Variants in VEGFD observed in about 807,000 individuals in gnomAD.
The protein encoded by VEGFD is c-fos induced growth factor (vascular endothelial growth factor D).
A neutral mutation model predicts 28.0 loss-of-function variants in VEGFD; 26 were observed. That is an observed-to-expected ratio of 0.93 (90% CI 0.68 to 1.29). VEGFD has a LOEUF of 1.29. Ranked by LOEUF, VEGFD falls within the 50% of genes most tolerant of loss-of-function variation. The probability of loss-of-function intolerance (pLI) is 0.00; values close to 1 mark genes in which losing one functional copy is unlikely to be tolerated. For missense variants in VEGFD, 294 were observed against 273.4 expected, an observed-to-expected ratio of 1.08 and a Z score of -0.53; for synonymous variants, 93 against 95.5, an observed-to-expected ratio of 0.97 and a Z score of 0.15.
At chrX:15,347,091 G>C in intron 6 of VEGFD, 73 bp downstream of exon 6, 1 of 1,006,241 alleles carries the variant, frequency 9.9e-7, no homozygotes, top group South Asian at 2.3e-5. Flanking sequence ...AGCTTACTAA[G>C]GAATCCCACC....
chrX:15,345,852 C>G lies in VEGFD; in HGVS notation c.*281G>C, dbSNP rs1454715578. The stretch of plus-strand genomic sequence containing the variant: ...CACCTGCCATTCCATGACCAGCACA[C>G]CTTTCTCATTCACCAAAAAACAAAA... On this transcript the variant is annotated 3_prime_UTR_variant, in exon 7 of 7. Coordinates refer to ENST00000297904, the MANE Select transcript of VEGFD (RefSeq NM_004469.5). 2.5e-5 allele frequency: 7 copies of G among 283,405 alleles called. No homozygotes were observed. The highest frequency in any genetic ancestry group is 4.3e-5 in the Non-Finnish European group (7 of 162,194). The allele number at this position is 283,405 out of a possible 1,213,427, so 23.4% of individuals were successfully genotyped here. A position where few individuals can be genotyped will look rare whatever the true frequency, so the allele number is the denominator to read the frequency against.
intron 1 of VEGFD, among the ~76,000 whole-genome samples, chrX:15,365,704 T>G (rs1348828493): frequency 1.8e-5 from 2 of 112,069 alleles, no homozygotes; most frequent in Admixed American, 9.5e-5. Context: ...TTATTCCACC[T>G]ATAATATTGC....
At chrX:15,357,899 C>T (rs1372015659) in intron 3 of VEGFD, 104 bp downstream of exon 3, 7 of 674,813 alleles carry the variant, frequency 1.0e-5, no homozygotes, top group Non-Finnish European at 2.2e-6. Flanking sequence ...TGCGATTATG[C>T]ACATAAAGCA....
chrX:15,349,347 GT>G (rs1922630573), intron 5 of VEGFD, among the ~76,000 whole-genome samples: 1 of 112,396 alleles, frequency 8.9e-6, no homozygotes, highest in Non-Finnish European at 1.9e-5. Context: ...GGCAGAGTCT[GT>G]GCTCACATCC....
Position 15,357,996 on chromosome X carries a change from C to T in VEGFD, c.492+7G>A. On this transcript the variant is annotated splice_region_variant and intron_variant, in intron 3 of 6. Coordinates refer to ENST00000297904, the MANE Select transcript of VEGFD (RefSeq NM_004469.5). ...TAGAGACGGCAGGCTTGCCGATGTC[C>T]TTATACCTGTTTGGAAATGTACGAG... is the stretch of plus-strand genomic sequence containing the variant. 5.0e-6 allele frequency: 6 copies of T among 1,207,865 alleles called. No individual in the cohort carries two copies. Among genetic ancestry groups the T allele is most frequent in the Non-Finnish European group, 5.6e-6 (5 of 893,084 alleles).
chrX:15,376,922 C>G (rs1263549742), intron 1 of VEGFD, among the ~76,000 whole-genome samples: 2 of 112,029 alleles, frequency 1.8e-5, no homozygotes, highest in African/African-American at 6.5e-5. Flanking sequence ...GCCATAGGGA[C>G]ATTCAACACA....
chrX:15,383,649 C>A (rs1923642549), intron 1 of VEGFD, among the ~76,000 whole-genome samples: 1 of 111,873 alleles, frequency 8.9e-6, no homozygotes, highest in African/African-American at 3.2e-5. Context: ...CCAACCCCCA[C>A]CCCAGCATTT....
At chrX:15,378,132 A>T (rs1178575422) in intron 1 of VEGFD, among the ~76,000 whole-genome samples, 1 of 111,934 alleles carries the variant, frequency 8.9e-6, no homozygotes. Context: ...GCCAAATGCT[A>T]CTTTGCTCAT....
At chrX:15,353,010 G>T in intron 5 of VEGFD, 58 bp downstream of exon 5, 1 of 629,889 alleles carries the variant, frequency 1.6e-6, no homozygotes, top group African/African-American at 2.2e-5. Context: ...AATAACGGTT[G>T]CTGCTATTGT....
At chrX:15,360,445 T>C (rs753527636) in intron 2 of VEGFD, among the ~76,000 whole-genome samples, 33 of 108,978 alleles carry the variant, frequency 3.0e-4, no homozygotes, top group African/African-American at 1.0e-3. Context: ...TTCAAGCGAT[T>C]CTCCTGCCTC....
At chrX:15,381,837 T>A (rs895095209) in intron 1 of VEGFD, among the ~76,000 whole-genome samples, 2 of 28,774 alleles carry the variant, frequency 7.0e-5, no homozygotes, top group African/African-American at 6.3e-4. Flanking sequence ...GTTCAGTATA[T>A]GTAGCTTCAC....
intron 1 of VEGFD, among the ~76,000 whole-genome samples, chrX:15,379,092 C>G (rs35643564): frequency 9.0e-6 from 1 of 111,396 alleles, no homozygotes; most frequent in African/African-American, 3.3e-5. Flanking sequence ...TCAGAAAGGT[C>G]TCCTCTGATT....
chrX:15,381,188 G>A (rs1923562432), intron 1 of VEGFD, among the ~76,000 whole-genome samples: 2 of 111,596 alleles, frequency 1.8e-5, no homozygotes, highest in South Asian at 7.5e-4. Flanking sequence ...AATGAAATTA[G>A]GAGGCCTTAC....
intron 4 of VEGFD, among the ~76,000 whole-genome samples, chrX:15,354,143 T>A (rs975996678): frequency 9.2e-6 from 1 of 108,904 alleles, no homozygotes; most frequent in East Asian, 2.9e-4. Flanking sequence ...TAATTTTTTT[T>A]TATATTTTTA....
intron 5 of VEGFD, among the ~76,000 whole-genome samples, chrX:15,349,620 C>A (rs745626074): frequency 7.6e-4 from 85 of 111,517 alleles, no homozygotes; most frequent in African/African-American, 2.4e-3. Flanking sequence ...AGAATTGGGA[C>A]CTCCTCAATT....
chrX:15,380,541 C>A (rs780993303), intron 1 of VEGFD, among the ~76,000 whole-genome samples: 1 of 112,631 alleles, frequency 8.9e-6, no homozygotes, highest in Non-Finnish European at 1.9e-5. Flanking sequence ...CAGAAAGAAA[C>A]AAATTCTGTC....
At chrX:15,378,220 C>T (rs1374929591) in intron 1 of VEGFD, among the ~76,000 whole-genome samples, 3 of 112,001 alleles carry the variant, frequency 2.7e-5, no homozygotes, top group South Asian at 3.8e-4. Context: ...TAAAAGGGAA[C>T]GCCTTATAGG....
intron 2 of VEGFD, 75 bp from the exon 3 acceptor site, chrX:15,358,268 G>T: frequency 3.5e-6 from 3 of 861,371 alleles, no homozygotes; most frequent in Non-Finnish European, 4.9e-6. Context: ...CCAGGGTTAT[G>T]CTGAACACAG....
chrX:15,368,677 T>G (rs1004635701), intron 1 of VEGFD, among the ~76,000 whole-genome samples: 1 of 112,398 alleles, frequency 8.9e-6, no homozygotes, highest in African/African-American at 3.2e-5. Flanking sequence ...CTTAAACCAT[T>G]GATTTCAGTG....
Sources: allele counts gnomAD v4.1 joint callset (sites outside exome capture counted in the v4.1 genomes callset), GRCh38; gene constraint gnomAD v4.1.1; transcripts MANE v1.5; gene names NCBI Gene and HGNC (gene_info 2026-07-23, HGNC 2026-07-21).